Variants in PDE8B observed in about 807,000 individuals in gnomAD.
PDE8B encodes high affinity cAMP-specific and IBMX-insensitive 3',5'-cyclic phosphodiesterase 8B.
In PDE8B, 26 loss-of-function variants were observed where a neutral mutation model predicts 101.3. The observed-to-expected ratio is 0.26, with a 90% CI of 0.19 to 0.36. PDE8B has a LOEUF of 0.36. PDE8B is among the 10% of genes least tolerant of loss of function. The probability of loss-of-function intolerance (pLI) is 1.00; values close to 1 mark genes in which losing one functional copy is unlikely to be tolerated. For missense variants in PDE8B, 810 were observed against 1,163.1 expected (o/e 0.70, Z 4.42); for synonymous variants, 424 against 429.3 (o/e 0.99, Z 0.15).
chr5:77,174,538 C>T, the PDE8B span, among the ~76,000 whole-genome samples: 1 of 152,178 alleles, frequency 6.6e-6, no homozygotes, highest in Non-Finnish European at 1.5e-5. Context: ...ATACTGTACA[C>T]ATCTCCATGA....
chr5:77,211,172 G>A lies in PDE8B; in HGVS notation c.247G>A (p.Ala83Thr). The A allele has an allele frequency of 6.5e-7, 1 of 1,534,792 alleles. No homozygotes were observed. Among genetic ancestry groups the A allele is most frequent in the African/African-American group, 1.4e-5 (1 of 72,370 alleles). Residue 83 changes from alanine to threonine, a missense_variant, in exon 1 of 22, where the codon GCA (alanine) becomes ACA (threonine). Coordinates refer to ENST00000264917, the MANE Select transcript of PDE8B (RefSeq NM_003719.5). This position sits in a 1 kb window ranked among gnomAD's most constrained non-coding sequence, Gnocchi z 4.1. ...ELGSGSSAGS[A>T]APAATTSRGR... ...GGGCAGCGGTAGCAGCGCGGGTTCC[G>A]CAGCCCCCGCCGCGACCACCAGCAG... is the stretch of plus-strand genomic sequence containing the variant.
chr5:77,371,443 T>A (rs189818198), intron 10 of PDE8B, among the ~76,000 whole-genome samples: 17 of 152,354 alleles, frequency 1.1e-4, no homozygotes, highest in Admixed American at 5.2e-4. Flanking sequence ...GTTTCTGGAC[T>A]CTGTTCTTTG....
rs1554101369 is a variant in PDE8B, at chr5:77,412,186, G to A, written c.1663G>A (p.Glu555Lys). 1 of 1,613,794 alleles carries A rather than the reference G, an allele frequency of 6.2e-7. No homozygotes were observed. The highest frequency in any genetic ancestry group is 1.3e-5 in the African/African-American group (1 of 75,036). ...PCISQLLDNE[E>K]SWDFNIFELE... ...TATCTCTCAATTACTTGATAATGAGGAGAGTTGGGACTTCAACATCTTTGA... is the reference window on the plus strand; with the variant it reads ...TATCTCTCAATTACTTGATAATGAGAAGAGTTGGGACTTCAACATCTTTGA... The change falls in exon 16 of 22, where the codon GAG becomes AAG. Residue 555 changes from glutamate (E) to lysine (K), a missense_variant. This residue lies in a region of PDE8B where 325 missense variants were observed against 560.9 expected (regional missense o/e 0.58). Transcript: ENST00000264917.
rs1427632879 is a variant in PDE8B at position 77,211,701 on chromosome 5, A to G, written c.339+437A>G. On this transcript the variant is annotated intron_variant, in intron 1 of 21. Coordinates refer to ENST00000264917, the MANE Select transcript of PDE8B (RefSeq NM_003719.5). The surrounding 1 kb of genome is among the most constrained non-coding windows in gnomAD (Gnocchi z 4.1). ...TGGTGCAGTTGCAGCACCAGGATAG[A>G]TAGTGCCCCATATTCCGATTTTTAC... Among the ~76,000 whole-genome samples, 4 of 152,204 alleles carry G rather than the reference A, an allele frequency of 2.6e-5. No individual in the cohort carries two copies. In the East Asian group the frequency reaches 5.8e-4, roughly 22 times the overall value.
chr5:77,238,471 A>C (rs2149527333), intron 1 of PDE8B, among the ~76,000 whole-genome samples: 1 of 152,256 alleles, frequency 6.6e-6, no homozygotes, highest in South Asian at 2.1e-4. Flanking sequence ...CAGTTGGTTC[A>C]AGTGTTAACT....
chr5:77,412,297 T>G, intron 16 of PDE8B, 62 bp downstream of exon 16: 1 of 1,574,040 alleles, frequency 6.4e-7, no homozygotes, highest in Non-Finnish European at 8.7e-7. Context: ...ACTCTCACAT[T>G]TGGAAACTTT....
At chr5:77,252,977 A>G (rs184484350) in intron 1 of PDE8B, among the ~76,000 whole-genome samples, 18 of 152,318 alleles carry the variant, frequency 1.2e-4, no homozygotes, top group Admixed American at 3.3e-4. Flanking sequence ...AAAGCATTGT[A>G]CTTTCAGAGG....
At chr5:77,383,917 T>C (rs879871351) in intron 10 of PDE8B, among the ~76,000 whole-genome samples, 18 of 152,256 alleles carry the variant, frequency 1.2e-4, no homozygotes, top group Non-Finnish European at 2.4e-4. Context: ...GGTAGCATGA[T>C]GCCTCCAGCT....
At chr5:77,261,789 C>T (rs115121223) in intron 1 of PDE8B, among the ~76,000 whole-genome samples, 1,708 of 152,306 alleles carry the variant, frequency 0.011, 18 homozygotes, top group African/African-American at 0.038. Flanking sequence ...CAATGGTTGC[C>T]GGGCCTTACT....
chr5:77,160,213 C>G, the PDE8B span, among the ~76,000 whole-genome samples: 1 of 152,108 alleles, frequency 6.6e-6, no homozygotes, highest in Non-Finnish European at 1.5e-5. Context: ...TCTGCCTTCC[C>G]AAAGCACCAA....
rs72346580 is a variant in PDE8B, at chr5:77,233,654, CTGTGTGTGTGTG to C, written c.339+22425_339+22436del. ...TGACAGCCCCCAACCCCCTGAAGCT[CTGTGTGTGTGTG>C]TGTGTGTGTGTGTGTGTGTGTGTGT... On this transcript the variant is annotated intron_variant, in intron 1 of 21. Coordinates refer to ENST00000264917, the MANE Select transcript of PDE8B (RefSeq NM_003719.5). Among the ~76,000 whole-genome samples, 16 of 138,334 alleles carry C rather than the reference CTGTGTGTGTGTG, an allele frequency of 1.2e-4. No homozygotes were observed. In the South Asian group the frequency reaches 1.3e-3, roughly 11 times the overall value. 90.8% of individuals were successfully genotyped at this position (138,334 alleles called of 152,430 possible).
chr5:77,425,973 G>A (rs1798018887), intron 21 of PDE8B, 77 bp downstream of exon 21: 1 of 1,408,576 alleles, frequency 7.1e-7, no homozygotes, highest in Non-Finnish European at 1.0e-6. Context: ...CACAGGGTGA[G>A]CCTAAAGGTA....
intron 1 of PDE8B, among the ~76,000 whole-genome samples, chr5:77,222,675 AC>A (rs1195499655): frequency 6.6e-6 from 1 of 152,136 alleles, no homozygotes; most frequent in Non-Finnish European, 1.5e-5. Flanking sequence ...CAATGTGTTG[AC>A]TGAGTGCCGG....
At chr5:77,266,040 T>C (rs929585355) in intron 1 of PDE8B, among the ~76,000 whole-genome samples, 5 of 152,238 alleles carry the variant, frequency 3.3e-5, no homozygotes, top group African/African-American at 9.6e-5. Flanking sequence ...CCTAGCATGA[T>C]AGGGATGGCC....
intron 1 of PDE8B, among the ~76,000 whole-genome samples, chr5:77,278,169 C>T (rs1764209591): frequency 6.6e-6 from 1 of 152,168 alleles, no homozygotes; most frequent in South Asian, 2.1e-4. Flanking sequence ...AGTTTACCTC[C>T]ACCTCTTCTA....
At chr5:77,126,224 G>A in the PDE8B span, among the ~76,000 whole-genome samples, 1 of 151,958 alleles carries the variant, frequency 6.6e-6, no homozygotes, top group Admixed American at 6.6e-5. Flanking sequence ...GGTGGAGGCT[G>A]CAGTGAACTG....
intron 1 of PDE8B, among the ~76,000 whole-genome samples, chr5:77,218,194 A>T (rs11953611): frequency 6.6e-6 from 1 of 152,068 alleles, no homozygotes; most frequent in African/African-American, 2.4e-5. Flanking sequence ...TTTAAGTTTT[A>T]GTGCATGGTT....
chr5:77,263,255 C>G (rs1761001823), intron 1 of PDE8B, among the ~76,000 whole-genome samples: 1 of 152,180 alleles, frequency 6.6e-6, no homozygotes, highest in South Asian at 2.1e-4. Context: ...AATGTTTTGT[C>G]TTTAATGAAT....
chr5:77,131,024 G>A, the PDE8B span: 1 of 152,280 alleles, frequency 6.6e-6, no homozygotes, highest in African/African-American at 2.4e-5. Flanking sequence ...TCTCTTTGAG[G>A]GGTTGGGCTT....
Sources: gnomAD v4.1 joint callset for allele counts (sites outside exome capture counted in the v4.1 genomes callset) on GRCh38, gnomAD v4.1.1 for gene constraint, gnomAD v4.1.1 regional missense constraint, Gnocchi (gnomAD v3.1) non-coding constraint, MANE v1.5 for transcripts, NCBI Gene and HGNC (gene_info 2026-07-23, HGNC 2026-07-21) for gene names.